The following AKAP11 variants were observed in gnomAD, a reference collection of about 807,000 sequenced individuals.
AKAP11 encodes the protein A-kinase anchoring protein 11, also known as A-kinase anchor protein 11.
Under a neutral mutation model 146.1 loss-of-function variants are expected in AKAP11, and 36 were observed. That is an observed-to-expected ratio of 0.25 (90% CI 0.19 to 0.33). The LOEUF is 0.33. AKAP11 is among the 10% of genes least tolerant of loss of function. The probability of loss-of-function intolerance (pLI) is 1.00; values close to 1 mark genes in which losing one functional copy is unlikely to be tolerated. For missense variants in AKAP11, 2,201 were observed against 2,197.0 expected (o/e 1.00, Z -0.04); for synonymous variants, 780 against 786.5 (o/e 0.99, Z 0.14).
At chr13:42,312,098 A>C (rs535273067) in intron 9 of AKAP11, among the ~76,000 whole-genome samples, 1 of 152,318 alleles carries the variant, frequency 6.6e-6, no homozygotes, top group Non-Finnish European at 1.5e-5. Flanking sequence ...GTTTGTATAA[A>C]TATTACTTTT....
At position 42,302,303 on chromosome 13, in the gene AKAP11, ATG is replaced by A; in HGVS notation, c.3560_3561del (p.Val1187GlufsTer25). On this transcript the variant is annotated frameshift_variant, in exon 8 of 13. Coordinates refer to ENST00000025301, the MANE Select transcript of AKAP11 (RefSeq NM_016248.4). LOFTEE classifies it high-confidence loss of function. ...GAAAGTGGAGAGCTCCCAGAAGTGGATGTGAAGTCGGAGCACTCAGGGAAGAA... is the reference window on the plus strand; with the variant it reads ...GAAAGTGGAGAGCTCCCAGAAGTGGATGAAGTCGGAGCACTCAGGGAAGAA... The A allele has an allele frequency of 1.9e-6, 3 of 1,614,188 alleles. No individual in the cohort carries two copies. The highest frequency in any genetic ancestry group is 2.5e-6 in the Non-Finnish European group (3 of 1,180,034).
intron 6 of AKAP11, 56 bp from the exon 7 acceptor site, chr13:42,298,477 A>T: frequency 1.9e-6 from 3 of 1,558,740 alleles, no homozygotes; most frequent in Non-Finnish European, 2.6e-6. Context: ...GCTTTACTTC[A>T]TGTTGTTTTG....
At chr13:42,271,736 C>G (rs934077718), upstream of AKAP11, among the ~76,000 whole-genome samples, 11 of 152,148 alleles carry the variant, frequency 7.2e-5, no homozygotes, top group African/African-American at 2.4e-4. Flanking sequence ...AGGCAACGGA[C>G]CAGGAAGCGC....
At position 42,292,499 on chromosome 13, in the gene AKAP11, G is replaced by T; in HGVS notation, c.166G>T (p.Glu56Ter). ...GCAGGATGAGCATGCCAATTTAACT[G>T]AGGTTTAACATACTACTTTCTAAAC... ...LQQDEHANLT[E>*]VTFLGFNEET... The change falls in exon 4 of 13, where the codon GAG becomes TAG. Residue 56 changes from glutamate (E) to a stop codon, truncating the protein, a stop_gained and splice_region_variant. Coordinates refer to ENST00000025301, the MANE Select transcript of AKAP11 (RefSeq NM_016248.4). LOFTEE classifies it high-confidence loss of function. 1 of 1,554,686 alleles carries T rather than the reference G, an allele frequency of 6.4e-7. No individual in the cohort carries two copies. Among genetic ancestry groups the T allele is most frequent in the South Asian group, 1.2e-5 (1 of 82,550 alleles).
intron 4 of AKAP11, 58 bp downstream of exon 4, chr13:42,292,559 T>A: frequency 9.6e-7 from 1 of 1,037,706 alleles, no homozygotes; most frequent in Non-Finnish European, 1.4e-6. Context: ...TTTTCATGCA[T>A]CTTTGTAGGA....
At chr13:42,313,803 A>C in intron 10 of AKAP11, 91 bp from the exon 11 acceptor site, 1 of 1,077,862 alleles carries the variant, frequency 9.3e-7, no homozygotes. Flanking sequence ...ATATTGTAAC[A>C]TTCATTCATT....
intron 11 of AKAP11, among the ~76,000 whole-genome samples, chr13:42,314,746 T>A (rs1292132468): frequency 6.6e-6 from 1 of 152,148 alleles, no homozygotes; most frequent in Admixed American, 6.5e-5. Flanking sequence ...CCTCCCCCAG[T>A]TCCAGTGCTT....
At chr13:42,316,431 G>T (rs1407293807) in intron 11 of AKAP11, among the ~76,000 whole-genome samples, 3 of 152,176 alleles carry the variant, frequency 2.0e-5, no homozygotes, top group Non-Finnish European at 4.4e-5. Flanking sequence ...TTAAACGCAT[G>T]ATATTGGCCC....
rs760529873 is a variant in AKAP11 at position 42,302,850 on chromosome 13, C to G, written c.4104C>G (p.Ala1368=). ...GTGAGTTGATAATGGATCAGTATGCCAATAGGCTTGCCTACCGATCTGTTA... is the reference window on the plus strand; with the variant it reads ...GTGAGTTGATAATGGATCAGTATGCGAATAGGCTTGCCTACCGATCTGTTA... The part of the protein sequence containing the change: ...GNSELIMDQY[A]NRLAYRSVKS... The change falls in exon 8 of 13, where the codon GCC becomes GCG. Residue 1368 remains alanine, a synonymous_variant. Coordinates refer to ENST00000025301, the MANE Select transcript of AKAP11 (RefSeq NM_016248.4). 3.1e-6 allele frequency: 5 copies of G among 1,613,866 alleles called. No individual in the cohort carries two copies. Among genetic ancestry groups the G allele is most frequent in the Non-Finnish European group, 4.2e-6 (5 of 1,179,978 alleles).
At chr13:42,272,977 T>C (rs1360978557) in intron 1 of AKAP11, among the ~76,000 whole-genome samples, 1 of 152,238 alleles carries the variant, frequency 6.6e-6, no homozygotes, top group African/African-American at 2.4e-5. Flanking sequence ...AGCTTTCATT[T>C]TTTTTCTCTG....
intron 9 of AKAP11, among the ~76,000 whole-genome samples, chr13:42,310,871 A>AG (rs1313640132): frequency 6.6e-6 from 1 of 151,914 alleles, no homozygotes; most frequent in Non-Finnish European, 1.5e-5. Context: ...AAAAAAAAAA[A>AG]AGACTGTGAC....
chr13:42,295,609 C>G, intron 4 of AKAP11, 86 bp from the exon 5 acceptor site: 2 of 1,251,768 alleles, frequency 1.6e-6, no homozygotes, highest in East Asian at 4.6e-5. Context: ...AATGCTTTGT[C>G]TGTTTTTTCC....
chr13:42,305,762 T>A (rs1349773201), intron 8 of AKAP11, among the ~76,000 whole-genome samples: 1 of 152,166 alleles, frequency 6.6e-6, no homozygotes, highest in Non-Finnish European at 1.5e-5. Context: ...TTCACACTGC[T>A]ATAAAGATAC....
rs1327998884 is a variant in AKAP11 at position 42,317,549 on chromosome 13, C to T, written c.5426C>T (p.Thr1809Ile). Residue 1809 changes from threonine (T) to isoleucine (I), a missense_variant, in exon 12 of 13, where the codon ACA becomes ATA. Around this residue, in one of 3 missense-constraint regions of AKAP11, gnomAD observed 1,867 missense variants for 1,833.5 expected, o/e 1.02. Transcript: ENST00000025301. ...TTAGGTTTGGGGCAAGATGGAAAGA[C>T]ACTGCTAATTACGAATATTGACATG... ...EVEGLGQDGK[T>I]LLITNIDMEP... 6 of 1,613,428 alleles carry T rather than the reference C, an allele frequency of 3.7e-6. No homozygotes were observed. In the African/African-American group the frequency reaches 8.0e-5, roughly 22 times the overall value.
chr13:42,304,997 C>A (rs950875294), intron 8 of AKAP11, among the ~76,000 whole-genome samples: 5 of 152,112 alleles, frequency 3.3e-5, no homozygotes, highest in Non-Finnish European at 7.4e-5. Flanking sequence ...GTGATCTGCC[C>A]ACCTCAGCTT....
At chr13:42,273,534 G>C (rs953436820) in intron 1 of AKAP11, among the ~76,000 whole-genome samples, 3 of 152,202 alleles carry the variant, frequency 2.0e-5, no homozygotes, top group African/African-American at 7.2e-5. Flanking sequence ...CAGGGAAGAA[G>C]TGGGTTCCCA....
At chr13:42,279,056 T>G (rs1052707184) in intron 1 of AKAP11, among the ~76,000 whole-genome samples, 1 of 152,108 alleles carries the variant, frequency 6.6e-6, no homozygotes, top group Admixed American at 6.6e-5. Flanking sequence ...TTTTTTCTGG[T>G]CAATTAATAT....
chr13:42,314,044 A>C, intron 11 of AKAP11, 104 bp downstream of exon 11: 1 of 1,119,042 alleles, frequency 8.9e-7, no homozygotes, highest in Non-Finnish European at 1.3e-6. Context: ...TATCAGTGTA[A>C]AACATTATAA....
intron 4 of AKAP11, among the ~76,000 whole-genome samples, chr13:42,292,756 T>A (rs1460466946): frequency 6.6e-6 from 1 of 152,172 alleles, no homozygotes; most frequent in Non-Finnish European, 1.5e-5. Flanking sequence ...GAGTACTAAT[T>A]GGATATATAG....
Sources: allele counts gnomAD v4.1 joint callset (sites outside exome capture counted in the v4.1 genomes callset), GRCh38; gene constraint gnomAD v4.1.1; regional missense constraint gnomAD v4.1.1; transcripts MANE v1.5; gene names NCBI Gene and HGNC (gene_info 2026-07-23, HGNC 2026-07-21).